Variants in MACO1 observed in about 807,000 individuals in gnomAD.
MACO1 encodes macoilin.
In MACO1, 14 loss-of-function variants were observed where a neutral mutation model predicts 78.7. The ratio of observed to expected loss-of-function variants is 0.18; its 90% CI spans 0.12 to 0.28. The LOEUF is 0.28. Among genes scored for constraint, MACO1 ranks in the 10% least tolerant of loss-of-function variants. The probability of loss-of-function intolerance (pLI) is 1.00; values close to 1 mark genes in which losing one functional copy is unlikely to be tolerated. For missense variants in MACO1, 501 were observed against 799.0 expected, an observed-to-expected ratio of 0.63 and a Z score of 4.50; for synonymous variants, 288 against 291.6, an observed-to-expected ratio of 0.99 and a Z score of 0.12.
rs2043558326 is a variant in MACO1 at position 25,498,593 on chromosome 1, A to C, written c.*127A>C. ...TGGAACTGTATCTGTTGTCATTTTT[A>C]AAAAGGGGGGAAAAGATAACATCCA... On this transcript the variant is annotated 3_prime_UTR_variant, in exon 11 of 11. Transcript: ENST00000374343. The C allele has an allele frequency of 1.1e-6, 1 of 897,334 alleles. No homozygotes were observed. The allele number at this position is 897,334 out of a possible 1,614,324, so 55.6% of individuals were successfully genotyped here. A position where few individuals can be genotyped will look rare whatever the true frequency, so the allele number is the denominator to read the frequency against.
intron 6 of MACO1, among the ~76,000 whole-genome samples, chr1:25,462,197 ACTGTTTG>A (rs2043177849): frequency 6.6e-6 from 1 of 152,188 alleles, no homozygotes; most frequent in Non-Finnish European, 1.5e-5. Context: ...ATGTACATGC[ACTGTTTG>A]CTTCTGCAGG....
At chr1:25,446,485 A>T (rs1417104638) in intron 1 of MACO1, among the ~76,000 whole-genome samples, 1 of 152,168 alleles carries the variant, frequency 6.6e-6, no homozygotes, top group Non-Finnish European at 1.5e-5. Flanking sequence ...GCACATTTTT[A>T]AAATAGTGGT....
intron 3 of MACO1, 142 bp from the exon 4 acceptor site, chr1:25,454,117 A>T: frequency 1.0e-6 from 1 of 957,794 alleles, no homozygotes; most frequent in Non-Finnish European, 1.4e-6. Flanking sequence ...AAAAGCTTTC[A>T]GTTTGGATCA....
At chr1:25,445,929 G>A (rs1403298215) in intron 1 of MACO1, among the ~76,000 whole-genome samples, 1 of 152,122 alleles carries the variant, frequency 6.6e-6, no homozygotes, top group African/African-American at 2.4e-5. Flanking sequence ...TGTCCATTAT[G>A]CAACTAATGA....
intron 10 of MACO1, among the ~76,000 whole-genome samples, chr1:25,496,113 CTT>C (rs2043534141): frequency 6.6e-6 from 1 of 151,558 alleles, no homozygotes; most frequent in Non-Finnish European, 1.5e-5. Context: ...CAAATGCAAC[CTT>C]TTTCTTTTTT....
intron 6 of MACO1, among the ~76,000 whole-genome samples, chr1:25,468,525 A>G (rs2043238544): frequency 6.6e-6 from 1 of 152,196 alleles, no homozygotes; most frequent in Non-Finnish European, 1.5e-5. Flanking sequence ...AGCCATGGAA[A>G]AGAAAGTGCC....
Position 25,454,303 on chromosome 1 carries a change from G to T in MACO1, c.394G>T (p.Val132Phe), listed in dbSNP as rs1557663018. The T allele has an allele frequency of 6.2e-7, 1 of 1,609,660 alleles. No homozygotes were observed. Among genetic ancestry groups the T allele is most frequent in the South Asian group, 1.1e-5 (1 of 90,050 alleles). ...LPTVSLWILF[V>F]YIEAAIRFKD... ...TACAGTGTCTCTCTGGATCCTCTTT[G>T]TTTATATTGAAGCAGCCATTAGATT... Residue 132 changes from valine (V) to phenylalanine (F), a missense_variant, in exon 4 of 11, where the codon GTT becomes TTT. Val to Phe is a conservative substitution (Grantham distance 50). Around this residue, in one of 5 missense-constraint regions of MACO1, gnomAD observed 171 missense variants for 292.1 expected, o/e 0.59. Coordinates refer to ENST00000374343, the MANE Select transcript of MACO1 (RefSeq NM_018202.6).
Position 25,485,023 on chromosome 1 carries a change from G to C in MACO1, c.1314-590G>C, listed in dbSNP as rs2043417248. Among the ~76,000 whole-genome samples, 1 of 152,260 alleles carries C rather than the reference G, an allele frequency of 6.6e-6. No individual in the cohort carries two copies. The highest frequency in any genetic ancestry group is 6.5e-5 in the Admixed American group (1 of 15,298). ...TGATAAACTCACCTCATGCTGATAG[G>C]TAAAGCTGGGGGTGGTAGTAAGCAG... is the stretch of plus-strand genomic sequence containing the variant. On this transcript the variant is annotated intron_variant, in intron 7 of 10. Coordinates refer to ENST00000374343, the MANE Select transcript of MACO1 (RefSeq NM_018202.6). The surrounding 1 kb of genome is among the most constrained non-coding windows in gnomAD (Gnocchi z 4.3).
intron 6 of MACO1, among the ~76,000 whole-genome samples, chr1:25,467,765 C>A (rs572477436): frequency 2.1e-5 from 3 of 141,162 alleles, no homozygotes; most frequent in Non-Finnish European, 4.5e-5. Context: ...TAGAAGAGAT[C>A]TAAGAGCTAT....
chr1:25,452,481 T>C (rs560362123), intron 3 of MACO1, among the ~76,000 whole-genome samples: 1 of 152,342 alleles, frequency 6.6e-6, no homozygotes, highest in East Asian at 1.9e-4. Context: ...AAAAATTTTT[T>C]TGAACAGTAC....
chr1:25,497,129 C>A (rs1465012173), intron 10 of MACO1, among the ~76,000 whole-genome samples: 1 of 151,946 alleles, frequency 6.6e-6, no homozygotes, highest in African/African-American at 2.4e-5. Context: ...ACCTGTAATC[C>A]CAGCACTTTG....
chr1:25,489,905 A>G (rs992816639), intron 9 of MACO1, among the ~76,000 whole-genome samples: 4 of 152,206 alleles, frequency 2.6e-5, no homozygotes, highest in African/African-American at 4.8e-5. Flanking sequence ...AAATACGAAA[A>G]AAAGTAAAGG....
chr1:25,447,752 TGGAG>T (rs2043028810), intron 2 of MACO1, among the ~76,000 whole-genome samples: 1 of 152,290 alleles, frequency 6.6e-6, no homozygotes, highest in African/African-American at 2.4e-5. Flanking sequence ...AAAGAGCCCT[TGGAG>T]GGATCTCAAA....
intron 6 of MACO1, among the ~76,000 whole-genome samples, chr1:25,466,942 T>C (rs2043224511): frequency 6.6e-6 from 1 of 152,148 alleles, no homozygotes; most frequent in Admixed American, 6.6e-5. Context: ...GAATATTCCA[T>C]GGCAGGCCAG....
chr1:25,466,467 C>T (rs2043220208), intron 6 of MACO1, among the ~76,000 whole-genome samples: 1 of 152,142 alleles, frequency 6.6e-6, no homozygotes, highest in African/African-American at 2.4e-5. Flanking sequence ...ACATGCACCA[C>T]CATGCCCGGC....
chr1:25,497,254 C>G (rs1354802284), intron 10 of MACO1, among the ~76,000 whole-genome samples: 1 of 151,868 alleles, frequency 6.6e-6, no homozygotes, highest in African/African-American at 2.4e-5. Context: ...GTGGCACATG[C>G]TTGTAATCCC....
At chr1:25,473,560 T>G (rs2043293558) in intron 6 of MACO1, among the ~76,000 whole-genome samples, 1 of 152,182 alleles carries the variant, frequency 6.6e-6, no homozygotes, top group Non-Finnish European at 1.5e-5. Flanking sequence ...TGTTTGAAAG[T>G]TTACTCCCTA....
Position 25,454,282 on chromosome 1 carries a change from G to A in MACO1, c.373G>A (p.Val125Met), listed in dbSNP as rs113398522. The A allele has an allele frequency of 1.2e-4, 190 of 1,604,622 alleles. No individual in the cohort carries two copies. Among genetic ancestry groups the A allele is most frequent in the Non-Finnish European group, 1.5e-4 (176 of 1,176,034 alleles). The stretch of plus-strand genomic sequence containing the variant: ...AGAAAGGGGAGTGTGTTTGCCTACA[G>A]TGTCTCTCTGGATCCTCTTTGTTTA... Reference protein sequence around the residue: ...HTERGVCLPTVSLWILFVYIE... With the variant: ...HTERGVCLPTMSLWILFVYIE... The change falls in exon 4 of 11, where the codon GTG becomes ATG. Residue 125 changes from valine (V) to methionine (M), a missense_variant. Physicochemically the swap from Val to Met is conservative, Grantham distance 21. Transcript: ENST00000374343.
At chr1:25,489,533 T>A (rs1192746034) in intron 9 of MACO1, among the ~76,000 whole-genome samples, 1 of 152,206 alleles carries the variant, frequency 6.6e-6, no homozygotes, top group Non-Finnish European at 1.5e-5. Flanking sequence ...TGGTATGTTT[T>A]ATACCAGGAT....
Sources: allele counts gnomAD v4.1 joint callset (sites outside exome capture counted in the v4.1 genomes callset), GRCh38; gene constraint gnomAD v4.1.1; regional missense constraint gnomAD v4.1.1; non-coding constraint Gnocchi (gnomAD v3.1); transcripts MANE v1.5; gene names NCBI Gene and HGNC (gene_info 2026-07-23, HGNC 2026-07-21).